Variants in CAPN3 observed in about 807,000 individuals in gnomAD.
CAPN3 encodes calpain-3.
Under a neutral mutation model 114.0 loss-of-function variants are expected in CAPN3, and 88 were observed. The ratio of observed to expected loss-of-function variants is 0.77; its 90% CI spans 0.65 to 0.92. The LOEUF (loss-of-function observed/expected upper bound fraction) is 0.92. Among genes scored for constraint, CAPN3 ranks in the 40% least tolerant of loss-of-function variants. CAPN3 has a pLI of 0.00. For synonymous variants in CAPN3, 386 were observed against 382.9 expected (o/e 1.01, Z -0.09); for missense variants, 1,028 against 1,069.0 (o/e 0.96, Z 0.53).
intron 6 of CAPN3, among the ~76,000 whole-genome samples, chr15:42,391,170 ATATGT>A (rs1358264630): frequency 1.2e-4 from 19 of 152,030 alleles, no homozygotes; most frequent in African/African-American, 4.3e-4. Flanking sequence ...AAACACACAG[ATATGT>A]TATAATTTAT....
Position 42,412,209 on chromosome 15 carries a change from G to A in CAPN3, c.*436G>A, listed in dbSNP as rs1285650098. The A allele has an allele frequency of 3.9e-6, 6 of 1,534,854 alleles. No homozygotes were observed. The East Asian group carries it at 9.8e-5, about 25-fold the overall frequency. On this transcript the variant is annotated 3_prime_UTR_variant, in exon 24 of 24. Coordinates refer to ENST00000397163, the MANE Select transcript of CAPN3 (RefSeq NM_000070.3). ...CAGCACTGGGTTCTACTGCTGTGGG[G>A]TAAACTAACTCAGTGGAATAGGGCT...
intron 3 of CAPN3, 130 bp downstream of exon 3, chr15:42,386,415 A>T (rs1022003111): frequency 2.6e-6 from 2 of 773,178 alleles, no homozygotes; most frequent in African/African-American, 1.7e-5. Context: ...GTCGGCATGG[A>T]CCCCCTTAAG....
At chr15:42,394,528 G>A (rs1007570824) in intron 8 of CAPN3, among the ~76,000 whole-genome samples, 187 bp downstream of exon 8, 6 of 152,212 alleles carry the variant, frequency 3.9e-5, no homozygotes, top group Non-Finnish European at 8.8e-5. Context: ...GAAGCGGGGT[G>A]CTGGGGACCC....
chr15:42,404,267 A>G lies in CAPN3; in HGVS notation c.1782+490A>G, dbSNP rs974475841. The G allele has an allele frequency of 2.1e-4, 94 of 456,454 alleles. No homozygotes were observed. The Admixed American group carries it at 2.1e-3, about 10-fold the overall frequency. 28.3% of individuals were successfully genotyped at this position (456,454 alleles called of 1,614,324 possible). A position where few individuals can be genotyped will look rare whatever the true frequency, so the allele number is the denominator to read the frequency against. ...AAACGGGGATGATAATGTGCCTTGCAAGGCTTTTGTGAGGCTTCATCAATG... is the reference window on the plus strand; with the variant it reads ...AAACGGGGATGATAATGTGCCTTGCGAGGCTTTTGTGAGGCTTCATCAATG... On this transcript the variant is annotated intron_variant, in intron 14 of 23. Coordinates refer to ENST00000397163, the MANE Select transcript of CAPN3 (RefSeq NM_000070.3).
intron 14 of CAPN3, 58 bp from the exon 15 acceptor site, chr15:42,405,868 G>A (rs745978491): frequency 1.3e-4 from 183 of 1,425,536 alleles, no homozygotes; most frequent in Non-Finnish European, 1.7e-4. Flanking sequence ...AGCCACTGGC[G>A]GTTCTGAGAA....
intron 8 of CAPN3, 52 bp from the exon 9 acceptor site, chr15:42,396,748 C>T (rs1662479819): frequency 1.4e-6 from 2 of 1,402,656 alleles, no homozygotes; most frequent in African/African-American, 1.4e-5. Context: ...TCCCAACCTA[C>T]ATCAGGCCTT....
intron 11 of CAPN3, 50 bp downstream of exon 11, chr15:42,401,860 G>A (rs765866485): frequency 6.3e-7 from 1 of 1,579,246 alleles, no homozygotes; most frequent in South Asian, 1.1e-5. Context: ...TTCCCAGGGA[G>A]GACGCTTCCA....
At chr15:42,367,116 G>A (rs1351380820) in intron 1 of CAPN3, among the ~76,000 whole-genome samples, 1 of 152,126 alleles carries the variant, frequency 6.6e-6, no homozygotes, top group East Asian at 1.9e-4. Context: ...ATAGGCATGA[G>A]GCTCTGCACC....
At chr15:42,373,458 G>A (rs1338601214) in intron 1 of CAPN3, among the ~76,000 whole-genome samples, 4 of 152,212 alleles carry the variant, frequency 2.6e-5, no homozygotes, top group South Asian at 4.1e-4. Context: ...TCCTCCTAGC[G>A]GGCAAGCTGC....
In CAPN3 at chr15:42,391,088, C is replaced by T. The variant is rs563556513; in HGVS notation, c.945+992C>T. On this transcript the variant is annotated intron_variant, in intron 6 of 23. Coordinates refer to ENST00000397163, the MANE Select transcript of CAPN3 (RefSeq NM_000070.3). ...GATTACAGGTGTAAGCCACCACACCCGGCCTAGTTTGATATTCTTAATGTG... is the reference window on the plus strand; with the variant it reads ...GATTACAGGTGTAAGCCACCACACCTGGCCTAGTTTGATATTCTTAATGTG... 1.3e-4 allele frequency among the ~76,000 whole-genome samples: 20 copies of T among 152,126 alleles called. 1 individual carries two copies. The South Asian group carries it at 3.3e-3, about 25-fold the overall frequency.
At chr15:42,409,497 G>GC in intron 17 of CAPN3, 117 bp downstream of exon 17, 1 of 1,005,644 alleles carries the variant, frequency 9.9e-7, no homozygotes, top group South Asian at 1.4e-5. Context: ...CTTTGGTGGA[G>GC]CCAGGGGATG....
chr15:42,364,326 G>T (rs573813091), intron 1 of CAPN3, among the ~76,000 whole-genome samples: 12 of 152,314 alleles, frequency 7.9e-5, no homozygotes, highest in African/African-American at 2.9e-4. Flanking sequence ...AATTAATTGA[G>T]GATTAAATGA....
intron 7 of CAPN3, among the ~76,000 whole-genome samples, chr15:42,393,714 C>G (rs2053618603): frequency 6.6e-6 from 1 of 152,030 alleles, no homozygotes; most frequent in Admixed American, 6.6e-5. Context: ...CTGCCTCAGC[C>G]TCCTGAGTAG....
At chr15:42,365,916 C>T (rs2052765963) in intron 1 of CAPN3, among the ~76,000 whole-genome samples, 1 of 152,150 alleles carries the variant, frequency 6.6e-6, no homozygotes, top group Admixed American at 6.5e-5. Context: ...TTCTGGTACA[C>T]AGAAATCTCT....
At chr15:42,411,615 T>G in intron 23 of CAPN3, 132 bp from the exon 24 acceptor site, 2 of 757,910 alleles carry the variant, frequency 2.6e-6, no homozygotes, top group Non-Finnish European at 2.4e-6. Flanking sequence ...AGCCACTGCT[T>G]CTTGGAAAAT....
intron 1 of CAPN3, among the ~76,000 whole-genome samples, chr15:42,384,171 T>C (rs2053320583): frequency 6.6e-6 from 1 of 151,846 alleles, no homozygotes; most frequent in African/African-American, 2.4e-5. Flanking sequence ...CCCAGCACTT[T>C]GGGAGGCCGA....
intron 10 of CAPN3, 24 bp from the exon 11 acceptor site, chr15:42,401,617 C>T (rs372950409): frequency 3.3e-5 from 53 of 1,613,424 alleles, no homozygotes; most frequent in South Asian, 8.8e-5. Flanking sequence ...GCTGTGAATG[C>T]GTGCTTCCTT....
chr15:42,374,629 T>C (rs2053038646), intron 1 of CAPN3: 1 of 152,094 alleles, frequency 6.6e-6, no homozygotes, highest in African/African-American at 2.4e-5. Context: ...CTCTGGGCAA[T>C]TGACTTATCA....
rs774783950 is a variant in CAPN3 at position 42,390,113 on chromosome 15, T to A, written c.945+17T>A. Reference sequence around the variant, plus strand: ...CCGACCCGGGTGTGTACACCTCCGATTATCAGAACTGACCATCCCTCCAAC... The same window carrying A: ...CCGACCCGGGTGTGTACACCTCCGAATATCAGAACTGACCATCCCTCCAAC... On this transcript the variant is annotated intron_variant, in intron 6 of 23. Transcript: ENST00000397163. 38 of 1,613,862 alleles carry A rather than the reference T, an allele frequency of 2.4e-5. No individual in the cohort carries two copies. Among genetic ancestry groups the A allele is most frequent in the East Asian group, 4.5e-5 (2 of 44,884 alleles).
Sources: allele counts gnomAD v4.1 joint callset (sites outside exome capture counted in the v4.1 genomes callset), GRCh38; gene constraint gnomAD v4.1.1; transcripts MANE v1.5; gene names NCBI Gene and HGNC (gene_info 2026-07-23, HGNC 2026-07-21).